The following ZNF212 variants were observed in gnomAD, a reference collection of about 807,000 sequenced individuals.
ZNF212 encodes Zinc finger protein C2H2-150.
A neutral mutation model predicts 47.3 loss-of-function variants in ZNF212; 32 were observed. That is an observed-to-expected ratio of 0.68 (90% CI 0.51 to 0.91). The LOEUF is 0.91. Among genes scored for constraint, ZNF212 ranks in the 40% least tolerant of loss-of-function variants. ZNF212 has a pLI of 0.00. For missense variants in ZNF212, 555 were observed against 622.8 expected (o/e 0.89, Z 1.16); for synonymous variants, 242 against 253.8 (o/e 0.95, Z 0.44).
chr7:149,244,154 T>TG (rs147090220), intron 1 of ZNF212, among the ~76,000 whole-genome samples: 12,739 of 152,070 alleles, frequency 0.084, 565 homozygotes, highest in African/African-American at 0.11. Context: ...AGGCTGGTCT[T>TG]GAACTCCTGA....
chr7:149,247,974 G>C (rs1205987838), intron 1 of ZNF212, among the ~76,000 whole-genome samples: 1 of 152,208 alleles, frequency 6.6e-6, no homozygotes, highest in African/African-American at 2.4e-5. Flanking sequence ...TGGAAGGGCA[G>C]CAGGTGTGTG....
chr7:149,254,762 G>A lies in ZNF212; in HGVS notation c.*347G>A. On this transcript the variant is annotated 3_prime_UTR_variant, in exon 5 of 5. Coordinates refer to ENST00000335870, the MANE Select transcript of ZNF212 (RefSeq NM_012256.4). The surrounding 1 kb of genome is among the most constrained non-coding windows in gnomAD (Gnocchi z 4.5). Reference sequence around the variant, plus strand: ...GCATTTCATGTCTTCCCACGGGGTTGAGTCGGGCCATAGGGGTGAGCAGCT... The same window carrying A: ...GCATTTCATGTCTTCCCACGGGGTTAAGTCGGGCCATAGGGGTGAGCAGCT... The A allele has an allele frequency of 3.5e-6, 1 of 285,728 alleles. No homozygotes were observed. The highest frequency in any genetic ancestry group is 4.8e-5 in the Admixed American group (1 of 20,982). 17.7% of individuals were successfully genotyped at this position (285,728 alleles called of 1,614,324 possible). A position where few individuals can be genotyped will look rare whatever the true frequency, so the allele number is the denominator to read the frequency against.
chr7:149,239,734 G>A lies in ZNF212; in HGVS notation c.-45G>A, dbSNP rs368453182. 9 of 1,278,394 alleles carry A rather than the reference G, an allele frequency of 7.0e-6. No individual in the cohort carries two copies. Among genetic ancestry groups the A allele is most frequent in the Admixed American group, 4.0e-5 (1 of 25,202 alleles). The allele number at this position is 1,278,394 out of a possible 1,614,324, so 79.2% of individuals were successfully genotyped here. The stretch of plus-strand genomic sequence containing the variant: ...CGCCGAGCGGACAGGAACGCAGCAC[G>A]GGGGCTCCGAGGCGGGGTCTGGGTG... On this transcript the variant is annotated 5_prime_UTR_variant, in exon 1 of 5. Transcript: ENST00000335870.
At chr7:149,242,006 TTTTTCTTTTC>T (rs1000128124) in intron 1 of ZNF212, among the ~76,000 whole-genome samples, 2 of 148,608 alleles carry the variant, frequency 1.3e-5, no homozygotes, top group Non-Finnish European at 3.0e-5. Flanking sequence ...TCTTTTCTTC[TTTTTCTTTTC>T]TTTTCTTTTT....
chr7:149,239,785 G>A lies in ZNF212; in HGVS notation c.7G>A (p.Glu3Lys). Residue 3 changes from glutamate to lysine, a missense_variant, in exon 1 of 5, where the codon GAG becomes AAG. By Grantham distance (56) the Glu-to-Lys change is moderately conservative. Transcript: ENST00000335870. ...TTGAGGGGCGACTGGAGCCATGGCG[G>A]AGTCGGCGCCTGCTCGGGTAAAGAG... Reference protein sequence around the residue: MAESAPARHRRKR... With the variant: MAKSAPARHRRKR... 9 of 1,276,040 alleles carry A rather than the reference G, an allele frequency of 7.1e-6. No individual in the cohort carries two copies. Among genetic ancestry groups the A allele is most frequent in the Non-Finnish European group, 9.0e-6 (9 of 1,003,450 alleles). 79.0% of individuals were successfully genotyped at this position (1,276,040 alleles called of 1,614,324 possible).
chr7:149,242,579 T>C (rs1158759264), intron 1 of ZNF212, among the ~76,000 whole-genome samples: 1 of 152,156 alleles, frequency 6.6e-6, no homozygotes, highest in Admixed American at 6.5e-5. Flanking sequence ...ACCAATACAC[T>C]CTTAGAAAAG....
chr7:149,253,637 T>C lies in ZNF212; in HGVS notation c.710T>C (p.Ile237Thr). 2 of 1,614,206 alleles carry C rather than the reference T, an allele frequency of 1.2e-6. No homozygotes were observed. The change falls in exon 5 of 5, where the codon ATT (isoleucine) becomes ACT (threonine). Residue 237 changes from isoleucine to threonine, a missense_variant. Physicochemically the swap from Ile to Thr is moderately conservative, Grantham distance 89 (BLOSUM62 -1). Transcript: ENST00000335870. The stretch of plus-strand genomic sequence containing the variant: ...GATCTTCCTGGAGAGTTCTCATGCA[T>C]TGCTGAAGAGCAGGCTTTCCTGAGC... ...PADLPGEFSCIAEEQAFLSPE... is the reference protein window; with the variant it reads ...PADLPGEFSCTAEEQAFLSPE...
chr7:149,247,922 G>A (rs1361608306), intron 1 of ZNF212, among the ~76,000 whole-genome samples: 1 of 152,200 alleles, frequency 6.6e-6, no homozygotes, highest in Non-Finnish European at 1.5e-5. Context: ...GGGCAGCTGT[G>A]TCTAGTGAGG....
rs747125570 is a variant in ZNF212, at chr7:149,253,973, C to T, written c.1046C>T (p.Pro349Leu). ...TGGGGGTCTTGTACACCTGAGGAGC[C>T]AGAGGAGAGCCTTAGGCCCAGGCCA... Reference protein sequence around the residue: ...SGWGSCTPEEPEESLRPRPRL... With the variant: ...SGWGSCTPEELEESLRPRPRL... The change falls in exon 5 of 5, where the codon CCA becomes CTA. Residue 349 changes from proline to leucine, a missense_variant. Transcript: ENST00000335870. 1.2e-5 allele frequency: 20 copies of T among 1,613,986 alleles called. No homozygotes were observed. The East Asian group carries it at 4.5e-4, about 36-fold the overall frequency.
At position 149,255,104 on chromosome 7, in the gene ZNF212, TGCA is replaced by T. The variant is rs1796816640; in HGVS notation, c.*691_*693del. 1 of 152,216 alleles carries T rather than the reference TGCA, an allele frequency of 6.6e-6. No individual in the cohort carries two copies. 9.4% of individuals were successfully genotyped at this position (152,216 alleles called of 1,614,324 possible). On this transcript the variant is annotated 3_prime_UTR_variant, in exon 5 of 5. Transcript: ENST00000335870. ...GGGGACACGGTGCTAGGTTCCCTCG[TGCA>T]GTGCCTGGTGCTCTCAAATTGTCTC...
At position 149,250,772 on chromosome 7, in the gene ZNF212, T is replaced by A. The variant is rs2129524339; in HGVS notation, c.506T>A (p.Val169Glu). 1 of 1,614,176 alleles carries A rather than the reference T, an allele frequency of 6.2e-7. No individual in the cohort carries two copies. Among genetic ancestry groups the A allele is most frequent in the African/African-American group, 1.3e-5 (1 of 75,036 alleles). ...TGGCAGAAGGAGCTCTACAGAAACG[T>A]GATGGAGAGTAACTATGAGACACTG... is the stretch of plus-strand genomic sequence containing the variant. ...EDWQKELYRN[V>E]MESNYETLVS... is the part of the protein sequence containing the mutation. The change falls in exon 3 of 5, where the codon GTG becomes GAG. Residue 169 changes from valine to glutamate, a missense_variant. By Grantham distance (121) the Val-to-Glu change is moderately radical. Transcript: ENST00000335870.
intron 1 of ZNF212, among the ~76,000 whole-genome samples, chr7:149,247,819 G>A (rs949655035): frequency 1.3e-5 from 2 of 152,150 alleles, no homozygotes; most frequent in African/African-American, 2.4e-5. Context: ...GGCCCATTAT[G>A]TATTGGTGTA....
At position 149,254,035 on chromosome 7, in the gene ZNF212, C is replaced by T. The variant is rs754764531; in HGVS notation, c.1108C>T (p.Gln370Ter). ...ACAGACCAAAAAGGCCAAGCTGCAT[C>T]AGTGTGATGTGTGCCTGAGGAGCTT... ...KPQTKKAKLH[Q>*]CDVCLRSFSC... The change falls in exon 5 of 5, where the codon CAG (glutamine) becomes TAG (stop). Residue 370 changes from glutamine to a stop codon, truncating the protein, a stop_gained. Transcript: ENST00000335870. LOFTEE classifies it high-confidence loss of function. The surrounding 1 kb of genome is among the most constrained non-coding windows in gnomAD (Gnocchi z 4.5). 5.0e-6 allele frequency: 8 copies of T among 1,612,818 alleles called. No individual in the cohort carries two copies. Among genetic ancestry groups the T allele is most frequent in the Non-Finnish European group, 6.8e-6 (8 of 1,179,414 alleles).
rs1796802573 is a variant in ZNF212, at chr7:149,254,226, C to A, written c.1299C>A (p.Gly433=). The A allele has an allele frequency of 6.2e-7, 1 of 1,614,248 alleles. No homozygotes were observed. The highest frequency in any genetic ancestry group is 2.2e-5 in the East Asian group (1 of 44,890). Residue 433 remains glycine (G), a synonymous_variant, in exon 5 of 5, where the codon GGC becomes GGA. Transcript: ENST00000335870. The surrounding 1 kb of genome is among the most constrained non-coding windows in gnomAD (Gnocchi z 4.5). Reference sequence around the variant, plus strand: ...GTTCCCTCATCTGTGGTTACTGTGGCAAGAGCTTCAGTCACCCATCTGACT... The same window carrying A: ...GTTCCCTCATCTGTGGTTACTGTGGAAAGAGCTTCAGTCACCCATCTGACT... ...SRSSLICGYC[G]KSFSHPSDLV...
intron 1 of ZNF212, among the ~76,000 whole-genome samples, chr7:149,244,639 C>G (rs567547689): frequency 1.3e-4 from 20 of 152,184 alleles, no homozygotes; most frequent in Middle Eastern, 3.4e-3. Flanking sequence ...ATCCATATAT[C>G]TATCAGTATA....
At position 149,250,349 on chromosome 7, in the gene ZNF212, C is replaced by G; in HGVS notation, c.215C>G (p.Ala72Gly). ...AGCCTGGAGGGGCGCACGGGGACAG[C>G]CGAGAAGAAGCTGGCTGACTGCGAG... ...LQSLEGRTGT[A>G]EKKLADCEKM... The change falls in exon 2 of 5, where the codon GCC (alanine) becomes GGC (glycine). Residue 72 changes from alanine (A) to glycine (G), a missense_variant. Transcript: ENST00000335870. 1.2e-6 allele frequency: 2 copies of G among 1,614,084 alleles called. No homozygotes were observed. Among genetic ancestry groups the G allele is most frequent in the South Asian group, 2.2e-5 (2 of 91,080 alleles).
rs761775036 is a variant in ZNF212 at position 149,253,661 on chromosome 7, G to T, written c.734G>T (p.Ser245Ile). 7 of 1,614,224 alleles carry T rather than the reference G, an allele frequency of 4.3e-6. No individual in the cohort carries two copies. The highest frequency in any genetic ancestry group is 5.9e-6 in the Non-Finnish European group (7 of 1,180,032). Reference protein sequence around the residue: ...SCIAEEQAFLSPEQTELWGGQ... With the variant: ...SCIAEEQAFLIPEQTELWGGQ... ...ATTGCTGAAGAGCAGGCTTTCCTGAGCCCAGAGCAGACCGAACTCTGGGGT... is the reference window on the plus strand; with the variant it reads ...ATTGCTGAAGAGCAGGCTTTCCTGATCCCAGAGCAGACCGAACTCTGGGGT... The change falls in exon 5 of 5, where the codon AGC becomes ATC. Residue 245 changes from serine to isoleucine, a missense_variant. Transcript: ENST00000335870.
chr7:149,252,332 A>G (rs540882169), intron 3 of ZNF212, among the ~76,000 whole-genome samples: 1 of 152,234 alleles, frequency 6.6e-6, no homozygotes, highest in East Asian at 1.9e-4. Context: ...TGCCCATCTT[A>G]CCTTGCAGTG....
intron 3 of ZNF212, among the ~76,000 whole-genome samples, chr7:149,251,653 A>C (rs1159483942): frequency 6.6e-6 from 1 of 151,372 alleles, no homozygotes; most frequent in African/African-American, 2.4e-5. Context: ...GCGCCTGGCT[A>C]ATTTTTTAAA....
Sources: allele counts gnomAD v4.1 joint callset (sites outside exome capture counted in the v4.1 genomes callset), GRCh38; gene constraint gnomAD v4.1.1; non-coding constraint Gnocchi (gnomAD v3.1); transcripts MANE v1.5; gene names NCBI Gene and HGNC (gene_info 2026-07-23, HGNC 2026-07-21).